The following VEGFC variants were observed in gnomAD, a reference collection of about 807,000 sequenced individuals.
The protein encoded by VEGFC is FLT4 ligand DHM.
VEGFC carries 12 observed loss-of-function variants against 46.1 expected under a neutral mutation model. That is an observed-to-expected ratio of 0.26 (90% CI 0.17 to 0.42). The LOEUF is 0.42. Among genes scored for constraint, VEGFC ranks in the 10% least tolerant of loss-of-function variants. The pLI, the probability that VEGFC is intolerant of heterozygous loss-of-function variation, is 1.00. For synonymous variants in VEGFC, 232 were observed against 195.5 expected (o/e 1.19, Z -1.56); for missense variants, 488 against 529.4 (o/e 0.92, Z 0.77).
At chr4:176,715,494 G>A (rs1734684856) in intron 3 of VEGFC, among the ~76,000 whole-genome samples, 5 of 151,996 alleles carry the variant, frequency 3.3e-5, no homozygotes. Flanking sequence ...AGATATAATT[G>A]TACCTATACC....
intron 4 of VEGFC, among the ~76,000 whole-genome samples, chr4:176,710,930 G>A (rs953736911): frequency 3.9e-5 from 6 of 152,020 alleles, no homozygotes; most frequent in African/African-American, 1.4e-4. Flanking sequence ...ATGTCAATTT[G>A]AAATGATATT....
chr4:176,698,852 T>C (rs1734373335), intron 4 of VEGFC, among the ~76,000 whole-genome samples: 1 of 152,146 alleles, frequency 6.6e-6, no homozygotes. Context: ...CACAATTTCC[T>C]CCAGGTTATT....
chr4:176,704,198 T>G (rs916078231), intron 4 of VEGFC, among the ~76,000 whole-genome samples: 6 of 152,176 alleles, frequency 3.9e-5, no homozygotes, highest in Non-Finnish European at 8.8e-5. Flanking sequence ...CCGTACAGAT[T>G]ACTGTTTCTC....
chr4:176,692,626 C>T (rs1428933230), intron 4 of VEGFC, among the ~76,000 whole-genome samples: 13 of 143,152 alleles, frequency 9.1e-5, no homozygotes, highest in Non-Finnish European at 1.6e-4. Flanking sequence ...GAGCCCACCA[C>T]AGCTCAAGGA....
chr4:176,725,608 T>C (rs1038412023), intron 3 of VEGFC, among the ~76,000 whole-genome samples: 1 of 152,224 alleles, frequency 6.6e-6, no homozygotes, highest in Non-Finnish European at 1.5e-5. Flanking sequence ...TACCTTGGTT[T>C]ACTATTTGAT....
intron 3 of VEGFC, among the ~76,000 whole-genome samples, chr4:176,714,265 C>G (rs1186746203): frequency 6.6e-6 from 1 of 152,088 alleles, no homozygotes; most frequent in African/African-American, 2.4e-5. Flanking sequence ...TTAGTTCATG[C>G]TAGAGCTGGT....
intron 1 of VEGFC, among the ~76,000 whole-genome samples, chr4:176,778,137 G>A (rs1330356578): frequency 6.6e-6 from 1 of 151,852 alleles, no homozygotes; most frequent in East Asian, 1.9e-4. Context: ...CCACAATTAT[G>A]ATCACTGAGA....
intron 6 of VEGFC, among the ~76,000 whole-genome samples, chr4:176,684,973 C>G (rs1214161238): frequency 6.6e-6 from 1 of 152,140 alleles, no homozygotes; most frequent in Admixed American, 6.5e-5. Flanking sequence ...GTGATCTGCC[C>G]GCCTTGGCCT....
chr4:176,759,993 A>T (rs554239280), intron 1 of VEGFC, among the ~76,000 whole-genome samples: 3 of 152,296 alleles, frequency 2.0e-5, no homozygotes, highest in African/African-American at 7.2e-5. Flanking sequence ...TTTTACACAG[A>T]AAAAATTAAA....
At chr4:176,729,463 A>AC in intron 2 of VEGFC, 70 bp downstream of exon 2, 2 of 1,402,844 alleles carry the variant, frequency 1.4e-6, no homozygotes, top group Non-Finnish European at 1.9e-6. Context: ...CTGAAATTAA[A>AC]GAACCAGGCT....
At chr4:176,691,325 T>G (rs896475011) in intron 4 of VEGFC, among the ~76,000 whole-genome samples, 7 of 152,232 alleles carry the variant, frequency 4.6e-5, no homozygotes, top group African/African-American at 1.7e-4. Context: ...TTATGTTTTT[T>G]GTATAGTGTA....
rs560744629 is a variant in VEGFC, at chr4:176,787,043, T to C, written c.147+5122A>G. ...AAAACAAGCAGGACTGATGGCAGCA[T>C]CATGTAAATAAATACATTACTATTT... On this transcript the variant is annotated intron_variant, in intron 1 of 6. Coordinates refer to ENST00000618562, the MANE Select transcript of VEGFC (RefSeq NM_005429.5). Among the ~76,000 whole-genome samples the C allele has an allele frequency of 4.6e-5, 7 of 152,264 alleles. No individual in the cohort carries two copies. The South Asian group carries it at 1.4e-3, about 32-fold the overall frequency.
intron 6 of VEGFC, 73 bp from the exon 7 acceptor site, chr4:176,684,113 CTG>C (rs1733994473): frequency 8.9e-7 from 1 of 1,118,054 alleles, no homozygotes; most frequent in Non-Finnish European, 1.3e-6. Context: ...CAAGGTATTT[CTG>C]TGTTTTTAAA....
At chr4:176,710,881 A>G (rs1734609346) in intron 4 of VEGFC, among the ~76,000 whole-genome samples, 1 of 152,158 alleles carries the variant, frequency 6.6e-6, no homozygotes, top group African/African-American at 2.4e-5. Flanking sequence ...CCAAAAAAAT[A>G]GGATGGAAAG....
chr4:176,722,366 TA>T (rs1734802071), intron 3 of VEGFC, among the ~76,000 whole-genome samples: 1 of 152,188 alleles, frequency 6.6e-6, no homozygotes, highest in Non-Finnish European at 1.5e-5. Flanking sequence ...ACAATTTTCT[TA>T]TAGCAAATAT....
chr4:176,772,131 TAC>T (rs1441191225), intron 1 of VEGFC, among the ~76,000 whole-genome samples: 1 of 152,160 alleles, frequency 6.6e-6, no homozygotes, highest in Non-Finnish European at 1.5e-5. Context: ...TCACAAAAAT[TAC>T]AGAGTAAAAG....
chr4:176,783,669 C>A (rs1360071644), intron 1 of VEGFC, among the ~76,000 whole-genome samples: 1 of 152,108 alleles, frequency 6.6e-6, no homozygotes, highest in African/African-American at 2.4e-5. Context: ...CTATGGACAC[C>A]TGTGCTGCCC....
At chr4:176,727,667 G>A in intron 3 of VEGFC, 111 bp downstream of exon 3, 3 of 1,114,992 alleles carry the variant, frequency 2.7e-6, no homozygotes, top group Non-Finnish European at 3.7e-6. Context: ...ATGAGACCCT[G>A]AGTTGAACCA....
At chr4:176,784,824 A>C (rs1051876383) in intron 1 of VEGFC, among the ~76,000 whole-genome samples, 3 of 151,958 alleles carry the variant, frequency 2.0e-5, no homozygotes, top group African/African-American at 7.3e-5. Context: ...GAAAAAGAAA[A>C]AATTAAAAAT....
Sources: gnomAD v4.1 joint callset for allele counts (sites outside exome capture counted in the v4.1 genomes callset) on GRCh38, gnomAD v4.1.1 for gene constraint, MANE v1.5 for transcripts, NCBI Gene and HGNC (gene_info 2026-07-23, HGNC 2026-07-21) for gene names.